The following ADCY1 variants were observed in gnomAD, a reference collection of about 807,000 sequenced individuals.
The protein encoded by ADCY1 is adenylate cyclase type 1.
In ADCY1, 28 loss-of-function variants were observed where a neutral mutation model predicts 105.4. The ratio of observed to expected loss-of-function variants is 0.27; its 90% confidence interval spans 0.20 to 0.36. The LOEUF (loss-of-function observed/expected upper bound fraction) is 0.36, where lower values mean the gene tolerates loss of function less well. Ranked by LOEUF, ADCY1 falls within the 10% of genes least tolerant of loss-of-function variation. ADCY1 has a pLI of 1.00. For synonymous variants in ADCY1, 655 were observed against 623.8 expected (o/e 1.05, Z -0.75); for missense variants, 977 against 1,434.2 (o/e 0.68, Z 5.15).
chr7:45,642,435 G>T (rs1794551021), intron 4 of ADCY1, among the ~76,000 whole-genome samples: 1 of 152,136 alleles, frequency 6.6e-6, no homozygotes, highest in Admixed American at 6.6e-5. Context: ...CTGTTTCTAG[G>T]AATTAGCTAG....
At chr7:45,581,019 T>C (rs1792522241) in intron 1 of ADCY1, among the ~76,000 whole-genome samples, 2 of 152,204 alleles carry the variant, frequency 1.3e-5, no homozygotes, top group South Asian at 4.1e-4. Context: ...AGAAATGTCC[T>C]TGGACCATTT....
chr7:45,628,696 G>T (rs1021801103), intron 4 of ADCY1, among the ~76,000 whole-genome samples: 9 of 152,138 alleles, frequency 5.9e-5, no homozygotes, highest in African/African-American at 1.9e-4. Context: ...CCTAGGAAAG[G>T]TTTACATAAT....
intron 3 of ADCY1, among the ~76,000 whole-genome samples, chr7:45,613,959 CAATT>C (rs1793661630): frequency 2.0e-5 from 3 of 152,092 alleles, no homozygotes. Flanking sequence ...CCTTCCCAGA[CAATT>C]AAAAGCTGAG....
At chr7:45,699,606 G>C (rs1397768924) in intron 14 of ADCY1, among the ~76,000 whole-genome samples, 2 of 152,112 alleles carry the variant, frequency 1.3e-5, no homozygotes, top group Non-Finnish European at 2.9e-5. Flanking sequence ...CCTCTGCTGG[G>C]GGACGGGAGG....
intron 10 of ADCY1, 49 bp from the exon 11 acceptor site, chr7:45,679,660 C>A: frequency 6.3e-7 from 1 of 1,599,520 alleles, no homozygotes. Context: ...TTGGGTCCGC[C>A]TCTCCTAATC....
chr7:45,681,893 T>C (rs967968844), intron 11 of ADCY1, among the ~76,000 whole-genome samples: 7 of 152,064 alleles, frequency 4.6e-5, no homozygotes, highest in African/African-American at 1.7e-4. Context: ...TAGAAATGTT[T>C]CCCTCCCCGA....
At chr7:45,619,531 T>C (rs1793834418) in intron 3 of ADCY1, among the ~76,000 whole-genome samples, 1 of 152,138 alleles carries the variant, frequency 6.6e-6, no homozygotes, top group South Asian at 2.1e-4. Flanking sequence ...TATATACAAA[T>C]ATTTATACAA....
At chr7:45,637,801 C>T (rs1466090103) in intron 4 of ADCY1, among the ~76,000 whole-genome samples, 5 of 152,158 alleles carry the variant, frequency 3.3e-5, no homozygotes, top group African/African-American at 4.8e-5. Flanking sequence ...TTTCAGTTTT[C>T]GTACTTCAGA....
In ADCY1 at chr7:45,708,979, TA is replaced by T; in HGVS notation, c.2932+517del. Among the ~76,000 whole-genome samples, 1 of 151,524 alleles carries T rather than the reference TA, an allele frequency of 6.6e-6. No homozygotes were observed. Among genetic ancestry groups the T allele is most frequent in the African/African-American group, 2.4e-5 (1 of 41,160 alleles). On this transcript the variant is annotated intron_variant, in intron 18 of 19. Coordinates refer to ENST00000297323, the MANE Select transcript of ADCY1 (RefSeq NM_021116.4). This position sits in a 1 kb window ranked among gnomAD's most constrained non-coding sequence, Gnocchi z 4.7. ...AACTATGATTTGTTGTTTTTTTTTTTAATCATAAATTCACTTTTTCTTGAGA... is the reference window on the plus strand; with the variant it reads ...AACTATGATTTGTTGTTTTTTTTTTTATCATAAATTCACTTTTTCTTGAGA...
intron 14 of ADCY1, among the ~76,000 whole-genome samples, chr7:45,701,691 A>G (rs1290508332): frequency 6.6e-6 from 1 of 152,156 alleles, no homozygotes; most frequent in Non-Finnish European, 1.5e-5. Context: ...TTTGTCCAGA[A>G]TGCCATTATT....
intron 2 of ADCY1, among the ~76,000 whole-genome samples, chr7:45,594,734 G>A (rs180702981): frequency 6.6e-6 from 1 of 152,164 alleles, no homozygotes; most frequent in African/African-American, 2.4e-5. Flanking sequence ...GGAGGAGGCA[G>A]TCCACACTCA....
At chr7:45,672,636 T>C (rs1312603677) in intron 8 of ADCY1, among the ~76,000 whole-genome samples, 1 of 152,162 alleles carries the variant, frequency 6.6e-6, no homozygotes, top group Non-Finnish European at 1.5e-5. Context: ...GAAATACCAT[T>C]ATTTTTTACG....
chr7:45,670,086 CTT>C (rs770476597), intron 8 of ADCY1, among the ~76,000 whole-genome samples: 38 of 152,252 alleles, frequency 2.5e-4, no homozygotes, highest in Non-Finnish European at 4.9e-4. Flanking sequence ...AGAAAATACT[CTT>C]GAGTAGGTAT....
intron 5 of ADCY1, among the ~76,000 whole-genome samples, chr7:45,652,016 C>T (rs778161732): frequency 1.4e-4 from 22 of 152,182 alleles, no homozygotes; most frequent in Non-Finnish European, 2.9e-4. Context: ...ACAGGCTGTA[C>T]AGGAGGCATG....
chr7:45,651,029 C>T (rs999598802), intron 5 of ADCY1, among the ~76,000 whole-genome samples: 19 of 152,168 alleles, frequency 1.2e-4, no homozygotes, highest in Non-Finnish European at 1.9e-4. Flanking sequence ...AGCTCCACAT[C>T]TCTACCCCTG....
At chr7:45,640,689 T>TA (rs899009669) in intron 4 of ADCY1, among the ~76,000 whole-genome samples, 8 of 152,216 alleles carry the variant, frequency 5.3e-5, no homozygotes, top group Non-Finnish European at 1.0e-4. Flanking sequence ...TCTAGGTTTC[T>TA]AAAAAACAAC....
chr7:45,613,688 A>AG (rs1279858040), intron 3 of ADCY1, among the ~76,000 whole-genome samples: 1 of 152,206 alleles, frequency 6.6e-6, no homozygotes, highest in East Asian at 1.9e-4. Context: ...ACCAAATAAG[A>AG]TGAATACCCC....
chr7:45,673,964 CATATATAT>C (rs58025464), intron 8 of ADCY1, among the ~76,000 whole-genome samples: 2,041 of 114,658 alleles, frequency 0.018, 28 homozygotes, highest in African/African-American at 0.05. Flanking sequence ...TTCAGATGAG[CATATATAT>C]ATATATATAT....
chr7:45,644,448 A>C (rs894755833), intron 4 of ADCY1, among the ~76,000 whole-genome samples: 3 of 152,358 alleles, frequency 2.0e-5, no homozygotes, highest in African/African-American at 7.2e-5. Context: ...TGATGGGCCC[A>C]GACTGTCTGC....
Sources: gnomAD v4.1 joint callset for allele counts (sites outside exome capture counted in the v4.1 genomes callset) on GRCh38, gnomAD v4.1.1 for gene constraint, Gnocchi (gnomAD v3.1) non-coding constraint, MANE v1.5 for transcripts, NCBI Gene and HGNC (gene_info 2026-07-23, HGNC 2026-07-21) for gene names.